TUSC3: variants seen among roughly 807,000 people sequenced by gnomAD.
TUSC3 encodes dolichyl-diphosphooligosaccharide--protein glycosyltransferase subunit TUSC3.
In TUSC3, 45 loss-of-function variants were observed where a neutral mutation model predicts 44.8. The observed-to-expected ratio is 1.00, with a 90% CI of 0.79 to 1.29. The LOEUF is 1.29. Among genes scored for constraint, TUSC3 ranks in the 50% most tolerant of loss-of-function variants. The pLI is 0.00. For synonymous variants in TUSC3, 212 were observed against 152.9 expected (o/e 1.39, Z -2.85); for missense variants, 519 against 437.9 (o/e 1.19, Z -1.65).
upstream of TUSC3, among the ~76,000 whole-genome samples, chr8:15,536,920 C>T (rs1325596628): frequency 6.6e-6 from 1 of 151,918 alleles, no homozygotes; most frequent in African/African-American, 2.4e-5. Flanking sequence ...ACTTACTTTT[C>T]ATTCTGACTC....
chr8:15,726,812 CAAAAG>C lies in TUSC3; in HGVS notation c.799-3849_799-3845del, dbSNP rs530657158. ...AAAGCGTGAAACTTTGTCTCAAAAA[CAAAAG>C]AAAAAGAAAAGAAATATTCAATGGA... is the stretch of plus-strand genomic sequence containing the variant. On this transcript the variant is annotated intron_variant, in intron 6 of 10. Transcript: ENST00000503731. Among the ~76,000 whole-genome samples, 533 of 151,956 alleles carry C rather than the reference CAAAAG, an allele frequency of 3.5e-3. 2 individuals carry two copies. The highest frequency in any genetic ancestry group is 0.012 in the African/African-American group (484 of 41,444).
intron 6 of TUSC3, among the ~76,000 whole-genome samples, chr8:15,681,005 T>C (rs1808403907): frequency 6.6e-6 from 1 of 152,126 alleles, no homozygotes; most frequent in Admixed American, 6.6e-5. Context: ...TTGTTGAGGA[T>C]TTTTACATCT....
At position 15,505,067 on chromosome 8, in the gene TUSC3, C is replaced by G. The variant is rs552059565; in HGVS notation, n.189+21584C>G. ...AATATTGCTGCCAAATGGCAGGAAT[C>G]TAGAAATTCCACCTCCCACATTGTA... On this transcript the variant is annotated intron_variant and non_coding_transcript_variant, in intron 2 of 5. Coordinates refer to the TUSC3 transcript ENST00000503191. 1.1e-3 allele frequency among the ~76,000 whole-genome samples: 173 copies of G among 152,220 alleles called. 2 individuals are homozygous for G. The South Asian group carries it at 0.035, about 31-fold the overall frequency.
chr8:15,450,951 C>A (rs1800190728), intron 1 of TUSC3, among the ~76,000 whole-genome samples: 1 of 152,174 alleles, frequency 6.6e-6, no homozygotes, highest in African/African-American at 2.4e-5. Flanking sequence ...GCTGACCCTT[C>A]TGGCAGTGAA....
At chr8:15,425,961 A>T (rs1366674196) in intron 1 of TUSC3, among the ~76,000 whole-genome samples, 1 of 152,224 alleles carries the variant, frequency 6.6e-6, no homozygotes, top group Non-Finnish European at 1.5e-5. Context: ...GGCTGCAGTG[A>T]GCCATTATTG....
chr8:15,469,037 AG>A (rs1800450930), intron 1 of TUSC3, among the ~76,000 whole-genome samples: 1 of 152,164 alleles, frequency 6.6e-6, no homozygotes, highest in Admixed American at 6.5e-5. Flanking sequence ...CAGAACGCAG[AG>A]GGGAAAGTCA....
chr8:15,641,943 G>A (rs905313548), intron 2 of TUSC3, among the ~76,000 whole-genome samples: 3 of 152,236 alleles, frequency 2.0e-5, no homozygotes, highest in South Asian at 4.1e-4. Flanking sequence ...TAACTTGACT[G>A]TGGTGGTGGT....
At position 15,439,107 on chromosome 8, in the gene TUSC3, C is replaced by T. The variant is rs181529030; in HGVS notation, n.91+21802C>T. Among the ~76,000 whole-genome samples the T allele has an allele frequency of 4.8e-3, 732 of 152,298 alleles. 12 individuals are homozygous for T. Among genetic ancestry groups the T allele is most frequent in the Non-Finnish European group, 6.9e-3 (472 of 68,036 alleles). On this transcript the variant is annotated intron_variant and non_coding_transcript_variant, in intron 1 of 5. Transcript: ENST00000503191. ...GGAATGCAACTCGTCCATATACATC[C>T]ATCAGGGATGAAGCCAGGAGAAGAA...
chr8:15,792,119 A>AACAC, the TUSC3 span, among the ~76,000 whole-genome samples: 701 of 150,362 alleles, frequency 4.7e-3, 6 homozygotes, highest in African/African-American at 0.016. Context: ...GCCAACCTCT[A>AACAC]ACACACACAC....
upstream of TUSC3, among the ~76,000 whole-genome samples, chr8:15,539,063 G>C (rs936620395): frequency 3.3e-5 from 5 of 151,408 alleles, no homozygotes; most frequent in Middle Eastern, 3.4e-3. Flanking sequence ...ATCTTGCCCA[G>C]GCTGCTCTCC....
chr8:15,446,179 G>A (rs1298144812), intron 1 of TUSC3, among the ~76,000 whole-genome samples: 3 of 150,836 alleles, frequency 2.0e-5, no homozygotes, highest in East Asian at 2.0e-4. Context: ...GGGCATCGGG[G>A]CAGAGGCGCT....
chr8:15,806,234 C>A, the TUSC3 span: 1 of 551,248 alleles, frequency 1.8e-6, no homozygotes, highest in Non-Finnish European at 3.4e-6. Context: ...TAACATTTTG[C>A]TTGTTTGCCA....
At chr8:15,471,584 A>G (rs1325230477) in intron 1 of TUSC3, among the ~76,000 whole-genome samples, 1 of 151,982 alleles carries the variant, frequency 6.6e-6, no homozygotes, top group Non-Finnish European at 1.5e-5. Flanking sequence ...TAGTGTTATA[A>G]ATTTACTTAT....
chr8:15,790,032 G>A, the TUSC3 span, among the ~76,000 whole-genome samples: 1 of 152,120 alleles, frequency 6.6e-6, no homozygotes, highest in Non-Finnish European at 1.5e-5. Flanking sequence ...CCAGAAGCAT[G>A]TGGGCTGTTG....
chr8:15,444,350 G>A (rs866055482), intron 1 of TUSC3, among the ~76,000 whole-genome samples: 4 of 152,284 alleles, frequency 2.6e-5, no homozygotes, highest in African/African-American at 9.6e-5. Flanking sequence ...AGGGGTTACA[G>A]ACTGGACTCA....
intron 1 of TUSC3, among the ~76,000 whole-genome samples, chr8:15,575,905 G>C (rs1248120692): frequency 6.6e-6 from 1 of 151,832 alleles, no homozygotes; most frequent in African/African-American, 2.4e-5. Flanking sequence ...TTTTACATTG[G>C]GGAAAGTGTT....
intron 1 of TUSC3, among the ~76,000 whole-genome samples, chr8:15,613,490 C>A (rs1225305430): frequency 6.6e-6 from 1 of 152,148 alleles, no homozygotes; most frequent in African/African-American, 2.4e-5. Context: ...CATCAAGTCT[C>A]ATGAGATGTG....
At chr8:15,795,614 T>C in the TUSC3 span, among the ~76,000 whole-genome samples, 1 of 151,852 alleles carries the variant, frequency 6.6e-6, no homozygotes, top group Non-Finnish European at 1.5e-5. Flanking sequence ...AAGAAGAGAG[T>C]AAAAAATGCG....
chr8:15,724,205 C>T (rs1810413401), intron 6 of TUSC3, among the ~76,000 whole-genome samples: 1 of 152,076 alleles, frequency 6.6e-6, no homozygotes, highest in Admixed American at 6.6e-5. Context: ...CACCAGACAC[C>T]AATCCCATTG....
Sources: gnomAD v4.1 joint callset for allele counts (sites outside exome capture counted in the v4.1 genomes callset) on GRCh38, gnomAD v4.1.1 for gene constraint, MANE v1.5 for transcripts, NCBI Gene and HGNC (gene_info 2026-07-23, HGNC 2026-07-21) for gene names.